The following NSUN6 variants were observed in gnomAD, a reference collection of about 807,000 sequenced individuals.
NSUN6 encodes NOP2/Sun RNA methyltransferase 6.
In NSUN6, 64 loss-of-function variants were observed where a neutral mutation model predicts 58.0. That is an observed-to-expected ratio of 1.10 (90% confidence interval 0.90 to 1.36). NSUN6 has a LOEUF of 1.36. Among genes scored for constraint, NSUN6 ranks in the 40% most tolerant of loss-of-function variants. The pLI, the probability that NSUN6 is intolerant of heterozygous loss-of-function variation, is 0.00. For missense variants in NSUN6, 701 were observed against 550.1 expected, an observed-to-expected ratio of 1.27 and a Z score of -2.74; for synonymous variants, 231 against 193.9, an observed-to-expected ratio of 1.19 and a Z score of -1.59.
chr10:18,651,175 C>G lies in NSUN6; in HGVS notation c.29G>C (p.Arg10Thr). 6.3e-7 allele frequency: 1 copy of G among 1,579,514 alleles called. No homozygotes were observed. The highest frequency in any genetic ancestry group is 8.6e-7 in the Non-Finnish European group (1 of 1,168,992). The change falls in exon 1 of 11, where the codon AGA becomes ACA. Residue 10 changes from arginine to threonine, a missense_variant. Arg to Thr is a moderately conservative substitution (Grantham distance 71). Coordinates refer to ENST00000377304, the MANE Select transcript of NSUN6 (RefSeq NM_182543.5). ...CTTAAGATAGTTTTCAACCTCAGGT[C>G]TCAAAGATATCTTAGGGAAAATAGA... MSIFPKISL[R>T]PEVENYLKEG...
chr10:18,642,453 T>C (rs1265228854), intron 3 of NSUN6, 23 bp downstream of exon 3: 1 of 1,157,284 alleles, frequency 8.6e-7, no homozygotes, highest in Non-Finnish European at 1.3e-6. Context: ...ATAATATAAT[T>C]TGGAAATGAA....
chr10:18,604,602 G>T (rs564223677), intron 6 of NSUN6, among the ~76,000 whole-genome samples: 7 of 152,130 alleles, frequency 4.6e-5, no homozygotes, highest in Non-Finnish European at 8.8e-5. Context: ...AGTGTAGGAA[G>T]GCCAGGCATG....
chr10:18,591,973 C>T (rs7907891), intron 7 of NSUN6, among the ~76,000 whole-genome samples: 4 of 151,856 alleles, frequency 2.6e-5, no homozygotes, highest in Non-Finnish European at 4.4e-5. Context: ...AAAACCCCAT[C>T]GTCTCAGCCC....
intron 7 of NSUN6, 121 bp downstream of exon 7, chr10:18,596,087 T>A (rs895273650): frequency 2.7e-6 from 2 of 748,242 alleles, no homozygotes; most frequent in East Asian, 5.0e-5. Flanking sequence ...CATAACTGAA[T>A]AGTTTTCATT....
chr10:18,554,313 G>C (rs918735851), intron 8 of NSUN6, among the ~76,000 whole-genome samples: 17 of 151,148 alleles, frequency 1.1e-4, no homozygotes, highest in African/African-American at 1.2e-4. Context: ...ATGCAATGGA[G>C]AGTGGAATGC....
chr10:18,593,364 C>A (rs1357317677), intron 7 of NSUN6, among the ~76,000 whole-genome samples: 2 of 152,138 alleles, frequency 1.3e-5, no homozygotes, highest in Non-Finnish European at 2.9e-5. Context: ...TGGGCATATA[C>A]CCAAAGGATT....
intron 8 of NSUN6, among the ~76,000 whole-genome samples, chr10:18,576,815 C>T (rs1179502819): frequency 6.6e-6 from 1 of 152,166 alleles, no homozygotes; most frequent in Non-Finnish European, 1.5e-5. Context: ...GGATACTCTG[C>T]CAAGTAACTG....
At chr10:18,594,472 G>A (rs1357704301) in intron 7 of NSUN6, among the ~76,000 whole-genome samples, 3 of 150,444 alleles carry the variant, frequency 2.0e-5, no homozygotes, top group African/African-American at 7.3e-5. Flanking sequence ...TTTTTGAGAC[G>A]GAGTCTCACT....
chr10:18,555,196 G>GAATGGAATATGGAATGGAATGGAGGATGA, intron 8 of NSUN6, among the ~76,000 whole-genome samples: 1 of 151,632 alleles, frequency 6.6e-6, no homozygotes, highest in East Asian at 1.9e-4. Flanking sequence ...ATGGAGAATG[G>GAATGGAATATGGAATGGAATGGAGGATGA]AATGGAATAT....
At chr10:18,624,840 C>T (rs1015566826) in intron 3 of NSUN6, among the ~76,000 whole-genome samples, 1 of 152,064 alleles carries the variant, frequency 6.6e-6, no homozygotes, top group Non-Finnish European at 1.5e-5. Context: ...TGACATAAAA[C>T]CTTCCCTAAT....
At chr10:18,604,883 CTTTT>C (rs1189835432) in intron 6 of NSUN6, among the ~76,000 whole-genome samples, 12 of 139,852 alleles carry the variant, frequency 8.6e-5, no homozygotes, top group South Asian at 4.9e-4. Context: ...AAGACTCTTT[CTTTT>C]TTTTTTTTTT....
chr10:18,624,943 T>G (rs1039176334), intron 3 of NSUN6, among the ~76,000 whole-genome samples: 6 of 152,182 alleles, frequency 3.9e-5, no homozygotes, highest in African/African-American at 1.2e-4. Flanking sequence ...TTCGGGAGTC[T>G]GGGAATTTCG....
intron 6 of NSUN6, among the ~76,000 whole-genome samples, chr10:18,596,732 AT>A (rs2057601931): frequency 6.6e-6 from 1 of 152,186 alleles, no homozygotes; most frequent in Non-Finnish European, 1.5e-5. Context: ...TTCCCAAAAA[AT>A]GTACAAAATT....
intron 6 of NSUN6, among the ~76,000 whole-genome samples, chr10:18,601,703 C>T (rs2057846102): frequency 1.3e-5 from 2 of 152,122 alleles, no homozygotes; most frequent in African/African-American, 2.4e-5. Flanking sequence ...GGAAATAAGG[C>T]TGGGTCTGGT....
intron 8 of NSUN6, among the ~76,000 whole-genome samples, chr10:18,570,344 C>T (rs768080072): frequency 2.1e-4 from 32 of 151,398 alleles, no homozygotes; most frequent in Non-Finnish European, 3.7e-4. Flanking sequence ...ATGCTCCATT[C>T]CATATTCAAT....
chr10:18,605,784 A>G (rs2058026918), intron 6 of NSUN6, among the ~76,000 whole-genome samples: 1 of 152,214 alleles, frequency 6.6e-6, no homozygotes, highest in Non-Finnish European at 1.5e-5. Context: ...GTGCAACAGT[A>G]TGAAACATCA....
intron 8 of NSUN6, among the ~76,000 whole-genome samples, chr10:18,557,296 G>C (rs1308113224): frequency 6.6e-6 from 1 of 151,664 alleles, no homozygotes. Flanking sequence ...GTGGAGAGTG[G>C]AAGAGAATCG....
intron 3 of NSUN6, among the ~76,000 whole-genome samples, chr10:18,631,828 C>A (rs1590142865): frequency 6.6e-6 from 1 of 152,142 alleles, no homozygotes; most frequent in Admixed American, 6.5e-5. Context: ...GGCCATACTG[C>A]CCAAGGTAAT....
At chr10:18,605,881 G>C (rs533635780) in intron 6 of NSUN6, among the ~76,000 whole-genome samples, 3 of 152,302 alleles carry the variant, frequency 2.0e-5, no homozygotes, top group African/African-American at 7.2e-5. Context: ...GGAAGCACAT[G>C]AGAGACAAAC....
Sources: allele counts gnomAD v4.1 joint callset (sites outside exome capture counted in the v4.1 genomes callset), GRCh38; gene constraint gnomAD v4.1.1; transcripts MANE v1.5; gene names NCBI Gene and HGNC (gene_info 2026-07-23, HGNC 2026-07-21).